The following PAK2 variants were observed in gnomAD, a reference collection of about 807,000 sequenced individuals.
PAK2 encodes the protein p21 (RAC1) activated kinase 2.
A neutral mutation model predicts 65.9 loss-of-function variants in PAK2; 21 were observed. That is an observed-to-expected ratio of 0.32 (90% CI 0.23 to 0.46). PAK2 has a LOEUF of 0.46. Among genes scored for constraint, PAK2 ranks in the 20% least tolerant of loss-of-function variants. The probability of loss-of-function intolerance (pLI) is 1.00; values close to 1 mark genes in which losing one functional copy is unlikely to be tolerated. For synonymous variants in PAK2, 204 were observed against 219.7 expected (o/e 0.93, Z 0.63); for missense variants, 324 against 642.6 (o/e 0.50, Z 5.36).
At chr3:196,799,655 A>G (rs370637892) in intron 2 of PAK2, among the ~76,000 whole-genome samples, 92 of 152,272 alleles carry the variant, frequency 6.0e-4, no homozygotes, top group African/African-American at 2.0e-3. Context: ...TGTGAGCCAA[A>G]TGAACTTTTA....
chr3:196,811,330 TCCCTCCCTTCCCTC>T (rs1560113945), intron 8 of PAK2, among the ~76,000 whole-genome samples: 43 of 3,898 alleles, frequency 0.011, no homozygotes, highest in South Asian at 0.027. Flanking sequence ...TTCCTTCCCT[TCCCTCCCTTCCCTC>T]CCTTCCTTCC....
intron 1 of PAK2, among the ~76,000 whole-genome samples, chr3:196,759,874 A>C (rs915669298): frequency 4.6e-5 from 7 of 152,010 alleles, no homozygotes; most frequent in African/African-American, 1.2e-4. Context: ...AGCCGTCCCC[A>C]CTATCTAATT....
chr3:196,808,391 C>T (rs9822404), intron 7 of PAK2, among the ~76,000 whole-genome samples: 98 of 150,438 alleles, frequency 6.5e-4, no homozygotes, highest in African/African-American at 2.3e-3. Flanking sequence ...TGAAACCCCT[C>T]CTCTACTAAA....
intron 2 of PAK2, among the ~76,000 whole-genome samples, chr3:196,796,366 A>G (rs1263941998): frequency 6.6e-6 from 1 of 152,202 alleles, no homozygotes; most frequent in Non-Finnish European, 1.5e-5. Context: ...TATATTAATG[A>G]GCAGAACAGG....
chr3:196,770,506 A>C (rs1714326558), intron 1 of PAK2, among the ~76,000 whole-genome samples: 1 of 151,946 alleles, frequency 6.6e-6, no homozygotes, highest in Non-Finnish European at 1.5e-5. Flanking sequence ...ACTGTGCTCC[A>C]GCCTGGGCAA....
chr3:196,797,336 G>A (rs1305555439), intron 2 of PAK2, among the ~76,000 whole-genome samples: 2 of 152,114 alleles, frequency 1.3e-5, no homozygotes, highest in East Asian at 1.9e-4. Flanking sequence ...GGTGGCAGGC[G>A]CATATAATCC....
rs571797614 is a variant in PAK2, at chr3:196,825,071, C to T, written c.1351-2125C>T. Among the ~76,000 whole-genome samples, 118 of 152,286 alleles carry T rather than the reference C, an allele frequency of 7.7e-4. 1 individual carries two copies. The highest frequency in any genetic ancestry group is 6.8e-3 in the Middle Eastern group (2 of 292). ...TTAAAAATAATAATTTAGGACCAGACGCAGCGGCTCATGCCTGTAATACCA... is the reference window on the plus strand; with the variant it reads ...TTAAAAATAATAATTTAGGACCAGATGCAGCGGCTCATGCCTGTAATACCA... On this transcript the variant is annotated intron_variant, in intron 13 of 14. Coordinates refer to ENST00000327134, the MANE Select transcript of PAK2 (RefSeq NM_002577.4).
chr3:196,782,298 TAAA>T (rs61249904), intron 1 of PAK2, among the ~76,000 whole-genome samples: 1 of 140,688 alleles, frequency 7.1e-6, no homozygotes, highest in Admixed American at 7.1e-5. Flanking sequence ...TCTTTGGAAT[TAAA>T]AAAAAAAAAA....
chr3:196,766,320 A>T (rs759513284), intron 1 of PAK2, among the ~76,000 whole-genome samples: 13 of 152,338 alleles, frequency 8.5e-5, no homozygotes, highest in Non-Finnish European at 1.8e-4. Context: ...ACCTATAAAT[A>T]ATAGAGCTAA....
chr3:196,830,485 T>C lies in PAK2; in HGVS notation c.*2080T>C, dbSNP rs1481681133. 7.9e-6 allele frequency: 1 copy of C among 126,904 alleles called. No individual in the cohort carries two copies. Among genetic ancestry groups the C allele is most frequent in the African/African-American group, 4.2e-5 (1 of 23,750 alleles). 7.9% of individuals were successfully genotyped at this position (126,904 alleles called of 1,614,324 possible). A position where few individuals can be genotyped will look rare whatever the true frequency, so the allele number is the denominator to read the frequency against. On this transcript the variant is annotated 3_prime_UTR_variant, in exon 15 of 15. Coordinates refer to ENST00000327134, the MANE Select transcript of PAK2 (RefSeq NM_002577.4). ...GAAAACCAACGAGATGAGAAGACTG[T>C]GATCCTCATGTACTCAGAGGCACTT... is the stretch of plus-strand genomic sequence containing the variant.
intron 1 of PAK2, among the ~76,000 whole-genome samples, chr3:196,762,827 C>CA (rs1484601108): frequency 7.9e-5 from 12 of 151,834 alleles, no homozygotes; most frequent in African/African-American, 2.9e-4. Context: ...AGTTAGAAGC[C>CA]AGGTGACTGA....
At position 196,807,807 on chromosome 3, in the gene PAK2, C is replaced by G. The variant is rs1295310064; in HGVS notation, c.602C>G (p.Pro201Arg). 1 of 1,609,496 alleles carries G rather than the reference C, an allele frequency of 6.2e-7. No homozygotes were observed. The highest frequency in any genetic ancestry group is 1.1e-5 in the South Asian group (1 of 90,906). ...ATTTACACACGGTCTGTAATTGACC[C>G]TGTTCCTGCACCAGTTGGTGATTCA... ...KSIYTRSVID[P>R]VPAPVGDSHV... is the part of the protein sequence containing the mutation. The change falls in exon 7 of 15, where the codon CCT (proline) becomes CGT (arginine). Residue 201 changes from proline (P) to arginine (R), a missense_variant. Physicochemically the swap from Pro to Arg is moderately radical, Grantham distance 103. Around this residue, in one of 5 missense-constraint regions of PAK2, gnomAD observed 183 missense variants for 246.2 expected, o/e 0.74. Coordinates refer to ENST00000327134, the MANE Select transcript of PAK2 (RefSeq NM_002577.4).
intron 1 of PAK2, among the ~76,000 whole-genome samples, chr3:196,744,800 A>G (rs1249182879): frequency 6.6e-6 from 1 of 152,154 alleles, no homozygotes; most frequent in Non-Finnish European, 1.5e-5. Context: ...GTGATCATTT[A>G]TGTTATTTCT....
At chr3:196,746,831 G>GAAAA (rs10662253) in intron 1 of PAK2, among the ~76,000 whole-genome samples, 2 of 144,048 alleles carry the variant, frequency 1.4e-5, no homozygotes, top group African/African-American at 2.6e-5. Flanking sequence ...AAAAAAAAAA[G>GAAAA]GATAGGCCTT....
At chr3:196,741,134 T>C (rs1713178880) in intron 1 of PAK2, among the ~76,000 whole-genome samples, 1 of 152,150 alleles carries the variant, frequency 6.6e-6, no homozygotes, top group Non-Finnish European at 1.5e-5. Flanking sequence ...GACAAAATGG[T>C]TAGGCCTAAA....
intron 2 of PAK2, among the ~76,000 whole-genome samples, chr3:196,789,578 T>C (rs1715001804): frequency 6.6e-6 from 1 of 151,974 alleles, no homozygotes; most frequent in South Asian, 2.1e-4. Flanking sequence ...TTCCCCTGCC[T>C]CAGCCTCCCG....
chr3:196,755,937 A>G (rs843533), intron 1 of PAK2, among the ~76,000 whole-genome samples: 92,734 of 151,846 alleles, frequency 0.61, 28,830 homozygotes, highest in African/African-American at 0.68. Context: ...TGTATTTTCA[A>G]TAGAGACGGG....
chr3:196,764,482 G>T (rs1714088977), intron 1 of PAK2, among the ~76,000 whole-genome samples: 1 of 151,842 alleles, frequency 6.6e-6, no homozygotes. Flanking sequence ...AGCCAGGCAT[G>T]GTGGCGGGTG....
chr3:196,810,304 T>C (rs534275119), intron 7 of PAK2, among the ~76,000 whole-genome samples: 1 of 152,216 alleles, frequency 6.6e-6, no homozygotes, highest in Admixed American at 6.6e-5. Flanking sequence ...TGACCATTAT[T>C]GAGCAAATGA....
Sources: gnomAD v4.1 joint callset for allele counts (sites outside exome capture counted in the v4.1 genomes callset) on GRCh38, gnomAD v4.1.1 for gene constraint, gnomAD v4.1.1 regional missense constraint, MANE v1.5 for transcripts, NCBI Gene and HGNC (gene_info 2026-07-23, HGNC 2026-07-21) for gene names.